NRG1: variants seen among roughly 807,000 people sequenced by gnomAD.
The protein encoded by NRG1 is pro-neuregulin-1, membrane-bound isoform.
In NRG1, 18 loss-of-function variants were observed where a neutral mutation model predicts 63.8. The ratio of observed to expected loss-of-function variants is 0.28; its 90% CI spans 0.19 to 0.42. The LOEUF (loss-of-function observed/expected upper bound fraction) is 0.42. NRG1 is among the 10% of genes least tolerant of loss of function. The pLI is 1.00. For missense variants in NRG1, 762 were observed against 814.7 expected, an observed-to-expected ratio of 0.94 and a Z score of 0.79; for synonymous variants, 302 against 301.3, an observed-to-expected ratio of 1.00 and a Z score of -0.02.
At chr8:32,097,506 A>T (rs1044383873) in intron 1 of NRG1, among the ~76,000 whole-genome samples, 2 of 152,000 alleles carry the variant, frequency 1.3e-5, no homozygotes, top group Admixed American at 6.6e-5. Context: ...CATTTGTAAA[A>T]TTTTTTTTGT....
chr8:32,442,552 C>G (rs1819688917), intron 1 of NRG1: 1 of 152,186 alleles, frequency 6.6e-6, no homozygotes, highest in Non-Finnish European at 1.5e-5. Context: ...CAAGTGGCTT[C>G]TGAGATATTC....
At chr8:32,514,938 GCA>G (rs1829658800) in intron 1 of NRG1, among the ~76,000 whole-genome samples, 17 of 151,164 alleles carry the variant, frequency 1.1e-4, no homozygotes, top group South Asian at 2.1e-4. Context: ...CCCAGGTAAT[GCA>G]AGCAACATGA....
chr8:32,012,128 T>A (rs1006035890), intron 1 of NRG1, among the ~76,000 whole-genome samples: 3 of 152,126 alleles, frequency 2.0e-5, no homozygotes, highest in Non-Finnish European at 4.4e-5. Flanking sequence ...AGCTTTCTAT[T>A]GGAAGCAAGC....
intron 1 of NRG1, among the ~76,000 whole-genome samples, chr8:32,483,743 C>T (rs981357941): frequency 3.3e-5 from 5 of 152,112 alleles, no homozygotes; most frequent in Non-Finnish European, 7.4e-5. Context: ...GGCAGGGACC[C>T]CCAGAAACAA....
intron 1 of NRG1, among the ~76,000 whole-genome samples, chr8:31,913,725 C>T (rs989153786): frequency 2.6e-5 from 4 of 152,234 alleles, no homozygotes; most frequent in East Asian, 1.9e-4. Flanking sequence ...ACTTCCATTA[C>T]GCCATGGTGC....
chr8:32,547,590 AACACACACACACACACAC>A (rs33943729), upstream of NRG1, among the ~76,000 whole-genome samples: 44,349 of 148,428 alleles, frequency 0.3, 7,296 homozygotes, highest in East Asian at 0.62. Context: ...GCACTTACTA[AACACACACACACACACAC>A]ACACACACAC....
At chr8:32,084,147 A>G (rs1827890732) in intron 1 of NRG1, among the ~76,000 whole-genome samples, 2 of 152,210 alleles carry the variant, frequency 1.3e-5, no homozygotes, top group Non-Finnish European at 2.9e-5. Context: ...TATAGAAACT[A>G]AAAATAGAAT....
At chr8:32,184,080 CTA>C (rs1419931042) in intron 1 of NRG1, among the ~76,000 whole-genome samples, 2 of 79,514 alleles carry the variant, frequency 2.5e-5, no homozygotes, top group East Asian at 2.4e-4. Context: ...ACACACAGTA[CTA>C]TATATGTATG....
At chr8:31,827,396 C>CT (rs1264432587) in intron 1 of NRG1, among the ~76,000 whole-genome samples, 11 of 151,056 alleles carry the variant, frequency 7.3e-5, no homozygotes, top group East Asian at 3.9e-4. Context: ...GAAAATGGGC[C>CT]TTTTTTTTTC....
intron 1 of NRG1, among the ~76,000 whole-genome samples, chr8:31,997,917 G>T (rs1812278025): frequency 6.6e-6 from 1 of 151,980 alleles, no homozygotes; most frequent in South Asian, 2.1e-4. Flanking sequence ...TGCTCAGGAA[G>T]GCATAGCCAA....
At chr8:32,463,812 G>A (rs1046950824) in intron 1 of NRG1, among the ~76,000 whole-genome samples, 11 of 143,864 alleles carry the variant, frequency 7.6e-5, no homozygotes, top group Middle Eastern at 3.8e-3. Context: ...CTGTACTCTA[G>A]CCTGGGTAAC....
At chr8:32,763,989 A>G (rs878923999) in exon 12 of NRG1, 2 of 1,613,924 alleles carry the variant, frequency 1.2e-6, no homozygotes, top group South Asian at 1.1e-5. Flanking sequence ...CTTCCACCAC[A>G]ACCCCGCGCA....
chr8:32,271,107 T>G (rs920649153), intron 1 of NRG1, among the ~76,000 whole-genome samples: 1 of 152,164 alleles, frequency 6.6e-6, no homozygotes, highest in African/African-American at 2.4e-5. Flanking sequence ...TCTCACTTTT[T>G]TCCTTTACCT....
At chr8:31,663,750 G>A (rs1005859677) in intron 1 of NRG1, among the ~76,000 whole-genome samples, 3 of 152,020 alleles carry the variant, frequency 2.0e-5, no homozygotes, top group African/African-American at 7.2e-5. Flanking sequence ...GATAGGTGAG[G>A]GACTCTTTCA....
chr8:32,472,615 C>G (rs1823995473), intron 1 of NRG1, among the ~76,000 whole-genome samples: 2 of 152,216 alleles, frequency 1.3e-5, no homozygotes, highest in Non-Finnish European at 2.9e-5. Context: ...TTGTGGTCTT[C>G]TACAAGTCCT....
chr8:32,648,550 T>C (rs1446079223), intron 5 of NRG1, among the ~76,000 whole-genome samples: 5 of 152,162 alleles, frequency 3.3e-5, no homozygotes, highest in African/African-American at 1.2e-4. Context: ...CCGAGTAAAA[T>C]GATCTTGCAA....
At chr8:31,851,367 G>A (rs761357907) in intron 1 of NRG1, among the ~76,000 whole-genome samples, 12 of 152,078 alleles carry the variant, frequency 7.9e-5, no homozygotes, top group Non-Finnish European at 1.3e-4. Flanking sequence ...TTTCTTAAAA[G>A]GATTATGTGA....
chr8:31,811,617 T>C (rs1420974674), intron 1 of NRG1, among the ~76,000 whole-genome samples: 1 of 152,234 alleles, frequency 6.6e-6, no homozygotes, highest in East Asian at 1.9e-4. Flanking sequence ...GCTACACATT[T>C]ATATCTTATC....
At chr8:31,839,255 C>T (rs1037552975) in intron 1 of NRG1, among the ~76,000 whole-genome samples, 34 of 152,120 alleles carry the variant, frequency 2.2e-4, no homozygotes, top group African/African-American at 8.2e-4. Flanking sequence ...TATAAAAACC[C>T]CAGTGGTCCC....
Sources: allele counts gnomAD v4.1 joint callset (sites outside exome capture counted in the v4.1 genomes callset), GRCh38; gene constraint gnomAD v4.1.1; transcripts MANE v1.5; gene names NCBI Gene and HGNC (gene_info 2026-07-23, HGNC 2026-07-21).